Variants in RGS6 observed in about 807,000 individuals in gnomAD.
RGS6 encodes the protein regulator of G-protein signaling 6.
Under a neutral mutation model 78.5 loss-of-function variants are expected in RGS6, and 30 were observed. The ratio of observed to expected loss-of-function variants is 0.38; its 90% CI spans 0.29 to 0.52. The LOEUF is 0.52. RGS6 is among the 20% of genes least tolerant of loss of function. The probability of loss-of-function intolerance (pLI) is 0.85; values close to 1 mark genes in which losing one functional copy is unlikely to be tolerated. For synonymous variants in RGS6, 206 were observed against 206.0 expected, an observed-to-expected ratio of 1.00 and a Z score of 0.00; for missense variants, 495 against 609.7, an observed-to-expected ratio of 0.81 and a Z score of 1.98.
chr14:72,530,498 G>A (rs1246558046), intron 15 of RGS6, among the ~76,000 whole-genome samples: 1 of 152,128 alleles, frequency 6.6e-6, no homozygotes, highest in Non-Finnish European at 1.5e-5. Flanking sequence ...GACCAGCCTG[G>A]CCAACATGGT....
At chr14:72,557,284 C>A (rs2097593111) in intron 17 of RGS6, among the ~76,000 whole-genome samples, 2 of 152,228 alleles carry the variant, frequency 1.3e-5, no homozygotes, top group African/African-American at 4.8e-5. Context: ...CATCCCCTGC[C>A]AGCGTTTCTC....
At chr14:72,035,027 A>T (rs1251050646) in intron 2 of RGS6, among the ~76,000 whole-genome samples, 2 of 152,090 alleles carry the variant, frequency 1.3e-5, no homozygotes, top group East Asian at 3.9e-4. Context: ...CCAGAACTTA[A>T]ATCATCCCTT....
chr14:72,586,509 A>T, the RGS6 span, among the ~76,000 whole-genome samples: 1 of 152,194 alleles, frequency 6.6e-6, no homozygotes. Flanking sequence ...CCACAGGCCA[A>T]ATAAACCTCT....
chr14:72,283,667 C>T (rs2061975443), intron 2 of RGS6, among the ~76,000 whole-genome samples: 1 of 152,172 alleles, frequency 6.6e-6, no homozygotes, highest in African/African-American at 2.4e-5. Context: ...ATAAATTACC[C>T]AGTCTCAGGT....
At chr14:71,926,946 G>A in the RGS6 span, among the ~76,000 whole-genome samples, 2 of 152,154 alleles carry the variant, frequency 1.3e-5, no homozygotes, top group Non-Finnish European at 2.9e-5. Flanking sequence ...AATCAACTGT[G>A]GAAATCCCAG....
At chr14:72,474,334 A>G (rs1036831001) in intron 9 of RGS6, among the ~76,000 whole-genome samples, 3 of 152,216 alleles carry the variant, frequency 2.0e-5, no homozygotes, top group Admixed American at 6.5e-5. Context: ...AAGTATGTAA[A>G]AAAAAATTTT....
At chr14:71,915,177 G>A in the RGS6 span, among the ~76,000 whole-genome samples, 2 of 151,756 alleles carry the variant, frequency 1.3e-5, no homozygotes, top group Non-Finnish European at 2.9e-5. Flanking sequence ...AGAATCGCTT[G>A]AACCGGGAGG....
At chr14:72,188,301 C>T (rs2097275463) in intron 2 of RGS6, among the ~76,000 whole-genome samples, 1 of 152,048 alleles carries the variant, frequency 6.6e-6, no homozygotes, top group Non-Finnish European at 1.5e-5. Flanking sequence ...CAGAGGCTCA[C>T]AGACACCTAG....
intron 3 of RGS6, among the ~76,000 whole-genome samples, chr14:72,453,070 C>T (rs1015586265): frequency 2.3e-4 from 35 of 152,232 alleles, no homozygotes; most frequent in Non-Finnish European, 4.7e-4. Context: ...GAAGGGCTGT[C>T]GCACAGAGTG....
At chr14:72,187,261 A>G (rs4902994) in intron 2 of RGS6, among the ~76,000 whole-genome samples, 19,203 of 152,236 alleles carry the variant, frequency 0.13, 2,483 homozygotes, top group African/African-American at 0.33. Flanking sequence ...ATAAGTTGAG[A>G]AAGCACTTGG....
chr14:72,113,081 TGCAC>T (rs1175007400), intron 2 of RGS6, among the ~76,000 whole-genome samples: 2 of 151,386 alleles, frequency 1.3e-5, no homozygotes, highest in East Asian at 3.9e-4. Flanking sequence ...CACACACGCA[TGCAC>T]GCATGCATGC....
At chr14:72,116,574 A>G (rs1597840719) in intron 2 of RGS6, among the ~76,000 whole-genome samples, 2 of 151,936 alleles carry the variant, frequency 1.3e-5, no homozygotes, top group Non-Finnish European at 2.9e-5. Flanking sequence ...GCCAAGTGTC[A>G]CATGGGGCAA....
At chr14:72,182,370 G>A (rs1183921665) in intron 2 of RGS6, among the ~76,000 whole-genome samples, 1 of 149,690 alleles carries the variant, frequency 6.7e-6, no homozygotes, top group East Asian at 2.0e-4. Context: ...AACCCGGGAG[G>A]CGGAGGTTGC....
intron 2 of RGS6, among the ~76,000 whole-genome samples, chr14:72,194,595 C>T (rs1464992368): frequency 6.6e-6 from 1 of 152,150 alleles, no homozygotes; most frequent in Non-Finnish European, 1.5e-5. Flanking sequence ...CTCCTGGCCT[C>T]AAATGATCCT....
intron 15 of RGS6, among the ~76,000 whole-genome samples, chr14:72,533,790 T>A (rs2097211414): frequency 6.6e-6 from 1 of 152,218 alleles, no homozygotes; most frequent in Admixed American, 6.5e-5. Flanking sequence ...AAGATGTGAC[T>A]GAATTGCTAC....
At chr14:72,258,901 A>G (rs1464909027) in intron 2 of RGS6, among the ~76,000 whole-genome samples, 2 of 152,208 alleles carry the variant, frequency 1.3e-5, no homozygotes, top group African/African-American at 4.8e-5. Context: ...CTTGCTAGGA[A>G]TGAGCCACAA....
intron 2 of RGS6, among the ~76,000 whole-genome samples, chr14:72,330,072 G>A (rs1432324640): frequency 6.6e-6 from 1 of 152,228 alleles, no homozygotes; most frequent in African/African-American, 2.4e-5. Context: ...CAACGTTAGT[G>A]AGGGACCGAG....
intron 2 of RGS6, among the ~76,000 whole-genome samples, chr14:71,994,084 A>G (rs898811048): frequency 2.0e-5 from 3 of 151,948 alleles, no homozygotes; most frequent in African/African-American, 7.3e-5. Context: ...GTCTTCTATC[A>G]CATGACTGCA....
intron 2 of RGS6, among the ~76,000 whole-genome samples, chr14:72,343,507 G>T (rs752301778): frequency 2.0e-5 from 3 of 152,204 alleles, no homozygotes; most frequent in Non-Finnish European, 4.4e-5. Context: ...CATCTACAAA[G>T]TCCCTTTTGC....
Sources: gnomAD v4.1 joint callset for allele counts (sites outside exome capture counted in the v4.1 genomes callset) on GRCh38, gnomAD v4.1.1 for gene constraint, MANE v1.5 for transcripts, NCBI Gene and HGNC (gene_info 2026-07-23, HGNC 2026-07-21) for gene names.